TUSC3: variants seen among roughly 807,000 people sequenced by gnomAD.
The protein encoded by TUSC3 is tumor suppressor candidate 3, also known as dolichyl-diphosphooligosaccharide--protein glycosyltransferase subunit TUSC3.
A neutral mutation model predicts 44.8 loss-of-function variants in TUSC3; 45 were observed. That is an observed-to-expected ratio of 1.00 (90% CI 0.79 to 1.29). The LOEUF (loss-of-function observed/expected upper bound fraction) is 1.29. Ranked by LOEUF, TUSC3 falls within the 50% of genes most tolerant of loss-of-function variation. TUSC3 has a pLI of 0.00. For synonymous variants in TUSC3, 212 were observed against 152.9 expected (o/e 1.39, Z -2.85); for missense variants, 519 against 437.9 (o/e 1.19, Z -1.65).
At chr8:15,659,882 C>T (rs1171902192) in intron 4 of TUSC3, among the ~76,000 whole-genome samples, 1 of 151,996 alleles carries the variant, frequency 6.6e-6, no homozygotes, top group East Asian at 1.9e-4. Context: ...GAGTTAAGCA[C>T]AAGGTAATTT....
intron 2 of TUSC3, among the ~76,000 whole-genome samples, chr8:15,501,474 C>G (rs1456661655): frequency 6.6e-6 from 1 of 152,200 alleles, no homozygotes; most frequent in Non-Finnish European, 1.5e-5. Context: ...CCATATTCAT[C>G]TTAAATCACT....
chr8:15,582,181 C>G (rs979635702), intron 1 of TUSC3, among the ~76,000 whole-genome samples: 25 of 152,190 alleles, frequency 1.6e-4, no homozygotes, highest in Non-Finnish European at 3.4e-4. Context: ...GCATGGTGCG[C>G]GCACCCACTG....
chr8:15,567,020 G>A (rs528560698), intron 1 of TUSC3, among the ~76,000 whole-genome samples: 41 of 152,234 alleles, frequency 2.7e-4, no homozygotes, highest in South Asian at 2.5e-3. Flanking sequence ...TCTTGGCTAA[G>A]ATAATGGCAA....
At chr8:15,524,323 T>G (rs943878359) in intron 2 of TUSC3, among the ~76,000 whole-genome samples, 4 of 152,134 alleles carry the variant, frequency 2.6e-5, no homozygotes, top group African/African-American at 7.2e-5. Flanking sequence ...GTGAATAATT[T>G]GGGATAATTC....
intron 2 of TUSC3, among the ~76,000 whole-genome samples, chr8:15,504,841 A>G (rs1364323227): frequency 6.6e-6 from 1 of 150,686 alleles, no homozygotes; most frequent in East Asian, 2.0e-4. Context: ...TTCAGTAGAG[A>G]TAGGGTTTCA....
At chr8:15,682,342 G>C (rs914940068) in intron 6 of TUSC3, among the ~76,000 whole-genome samples, 1 of 152,054 alleles carries the variant, frequency 6.6e-6, no homozygotes, top group Non-Finnish European at 1.5e-5. Context: ...GAATCTGGGT[G>C]CTCTAATTTT....
At chr8:15,657,912 C>G (rs1314081602) in intron 3 of TUSC3, among the ~76,000 whole-genome samples, 1 of 152,192 alleles carries the variant, frequency 6.6e-6, no homozygotes, top group Admixed American at 6.5e-5. Flanking sequence ...CTGCCGGCGT[C>G]TTGCCAGGCA....
At chr8:15,526,678 CTGTGAGT>C (rs1269322957) in intron 2 of TUSC3, among the ~76,000 whole-genome samples, 1 of 152,182 alleles carries the variant, frequency 6.6e-6, no homozygotes, top group Non-Finnish European at 1.5e-5. Flanking sequence ...TTACGTGGAA[CTGTGAGT>C]CCATTGAACC....
At chr8:15,494,773 T>C (rs1035610229) in intron 2 of TUSC3, among the ~76,000 whole-genome samples, 9 of 152,142 alleles carry the variant, frequency 5.9e-5, no homozygotes, top group Non-Finnish European at 1.3e-4. Flanking sequence ...AAGGGTGAAA[T>C]AGACAATGCA....
chr8:15,632,819 G>A (rs749688671), intron 2 of TUSC3, among the ~76,000 whole-genome samples: 5 of 151,992 alleles, frequency 3.3e-5, no homozygotes, highest in African/African-American at 4.8e-5. Flanking sequence ...TCTTCTTCAT[G>A]TTCAGATTGT....
chr8:15,851,547 G>C, the TUSC3 span, among the ~76,000 whole-genome samples: 3 of 152,182 alleles, frequency 2.0e-5, no homozygotes, highest in Admixed American at 1.3e-4. Context: ...GATTAGAGAG[G>C]TTTAAATAAC....
intron 2 of TUSC3, among the ~76,000 whole-genome samples, chr8:15,489,236 C>A (rs1469004642): frequency 3.3e-5 from 5 of 152,152 alleles, no homozygotes; most frequent in African/African-American, 1.2e-4. Context: ...GTAGGGGTTT[C>A]TGGGTCATAT....
intron 1 of TUSC3, among the ~76,000 whole-genome samples, chr8:15,547,681 G>A (rs1441856234): frequency 6.9e-6 from 1 of 144,392 alleles, no homozygotes; most frequent in South Asian, 2.5e-4. Flanking sequence ...GGGGCCTTTG[G>A]GAAGTGATAG....
chr8:15,845,689 G>A, the TUSC3 span, among the ~76,000 whole-genome samples: 2 of 152,096 alleles, frequency 1.3e-5, no homozygotes, highest in Non-Finnish European at 2.9e-5. Flanking sequence ...TCAGTATTTT[G>A]TTCTGTTTGC....
intron 2 of TUSC3, among the ~76,000 whole-genome samples, chr8:15,534,237 ATTAT>A (rs750269346): frequency 1.4e-4 from 22 of 152,312 alleles, no homozygotes; most frequent in Non-Finnish European, 3.1e-4. Flanking sequence ...AACTTTTGGC[ATTAT>A]TTAAAGAGTC....
chr8:15,585,663 C>T (rs554622913), intron 1 of TUSC3, among the ~76,000 whole-genome samples: 1 of 152,142 alleles, frequency 6.6e-6, no homozygotes, highest in Non-Finnish European at 1.5e-5. Context: ...GTTCCCCTTA[C>T]TGTGGATGTT....
the TUSC3 span, among the ~76,000 whole-genome samples, chr8:15,826,368 C>A: frequency 6.6e-6 from 1 of 152,066 alleles, no homozygotes; most frequent in East Asian, 1.9e-4. Context: ...TAATTAGCAC[C>A]CTCTATGCTT....
At chr8:15,649,414 C>G (rs1029885842) in intron 2 of TUSC3, among the ~76,000 whole-genome samples, 3 of 151,824 alleles carry the variant, frequency 2.0e-5, no homozygotes, top group Non-Finnish European at 1.5e-5. Flanking sequence ...GAAACCCCGT[C>G]TCTACTAAAA....
rs765417646 is a variant in TUSC3 at position 15,427,229 on chromosome 8, C to CTTT, written n.91+9936_91+9938dup. Among the ~76,000 whole-genome samples, 1,080 of 144,736 alleles carry CTTT rather than the reference C, an allele frequency of 7.5e-3. 14 individuals are homozygous for CTTT. The highest frequency in any genetic ancestry group is 0.024 in the African/African-American group (953 of 39,364). The allele number at this position is 144,736 out of a possible 152,430, so 95.0% of individuals were successfully genotyped here. A position where few individuals can be genotyped will look rare whatever the true frequency, so the allele number is the denominator to read the frequency against. On this transcript the variant is annotated intron_variant and non_coding_transcript_variant, in intron 1 of 5. Transcript: ENST00000503191. ...TGTCTAACGGTGCAGAAGGTTTTTC[C>CTTT]TTTTTTTTTTTTTTAGTTTAGTTTA...
Sources: gnomAD v4.1 joint callset for allele counts (sites outside exome capture counted in the v4.1 genomes callset) on GRCh38, gnomAD v4.1.1 for gene constraint, MANE v1.5 for transcripts, NCBI Gene and HGNC (gene_info 2026-07-23, HGNC 2026-07-21) for gene names.